ATF7IP2: variants seen among roughly 807,000 people sequenced by gnomAD.
ATF7IP2 encodes the protein activating transcription factor 7 interacting protein 2, also known as activating transcription factor 7-interacting protein 2.
In ATF7IP2, 42 loss-of-function variants were observed where a neutral mutation model predicts 64.2. The ratio of observed to expected loss-of-function variants is 0.65; its 90% CI spans 0.51 to 0.85. The LOEUF (loss-of-function observed/expected upper bound fraction) is 0.85, where lower values mean the gene tolerates loss of function less well. ATF7IP2 is among the 40% of genes least tolerant of loss of function. ATF7IP2 has a pLI of 0.00. For synonymous variants in ATF7IP2, 308 were observed against 272.8 expected, an observed-to-expected ratio of 1.13 and a Z score of -1.27; for missense variants, 933 against 784.2, an observed-to-expected ratio of 1.19 and a Z score of -2.27.
At chr16:10,390,817 A>G (rs1263722794) in intron 1 of ATF7IP2, among the ~76,000 whole-genome samples, 1 of 152,178 alleles carries the variant, frequency 6.6e-6, no homozygotes, top group Non-Finnish European at 1.5e-5. Context: ...CTGAAAAAAT[A>G]TCTGAGTTTT....
At chr16:10,473,901 T>TTTTTTTC (rs776408130) in intron 11 of ATF7IP2, 22 bp from the exon 12 acceptor site, 2 of 1,425,916 alleles carry the variant, frequency 1.4e-6, no homozygotes, top group South Asian at 1.4e-5. Context: ...AAGCTTTTTT[T>TTTTTTTC]TTTTTTTTAC....
At chr16:10,386,428 G>A (rs922572838) in intron 1 of ATF7IP2, 2 of 152,282 alleles carry the variant, frequency 1.3e-5, no homozygotes, top group Non-Finnish European at 2.9e-5. Flanking sequence ...GGAGGGAAGT[G>A]GTGCGTGTTT....
At chr16:10,474,871 G>A (rs557160747) in intron 12 of ATF7IP2, among the ~76,000 whole-genome samples, 1 of 152,244 alleles carries the variant, frequency 6.6e-6, no homozygotes, top group East Asian at 1.9e-4. Flanking sequence ...TAAAAGGTTG[G>A]GGGAAAATAA....
intron 1 of ATF7IP2, among the ~76,000 whole-genome samples, chr16:10,403,208 A>G (rs141574944): frequency 1.3e-5 from 2 of 152,276 alleles, no homozygotes; most frequent in African/African-American, 4.8e-5. Context: ...CACATAGCTT[A>G]TTACAATATG....
chr16:10,420,580 G>C (rs866918391), intron 3 of ATF7IP2, among the ~76,000 whole-genome samples: 1 of 152,226 alleles, frequency 6.6e-6, no homozygotes, highest in Non-Finnish European at 1.5e-5. Flanking sequence ...TAGGTGATCA[G>C]CCATTTGATT....
chr16:10,457,832 C>T (rs2049233480), intron 9 of ATF7IP2, among the ~76,000 whole-genome samples: 1 of 152,102 alleles, frequency 6.6e-6, no homozygotes, highest in South Asian at 2.1e-4. Flanking sequence ...ACCTCAGCCT[C>T]CCAAGTAACT....
intron 1 of ATF7IP2, among the ~76,000 whole-genome samples, chr16:10,403,819 A>T (rs895131514): frequency 7.9e-5 from 12 of 152,202 alleles, no homozygotes; most frequent in African/African-American, 2.9e-4. Flanking sequence ...GAAATTTTGG[A>T]ATGCATTTGA....
chr16:10,395,976 A>G (rs1240984047), intron 1 of ATF7IP2, among the ~76,000 whole-genome samples: 1 of 152,148 alleles, frequency 6.6e-6, no homozygotes, highest in Non-Finnish European at 1.5e-5. Flanking sequence ...AGGGAGAAGT[A>G]AAATATACAC....
At chr16:10,392,056 C>CTTT (rs369793123) in intron 1 of ATF7IP2, among the ~76,000 whole-genome samples, 1,431 of 126,070 alleles carry the variant, frequency 0.011, 47 homozygotes, top group African/African-American at 0.039. Flanking sequence ...GTTGTATTAT[C>CTTT]TTTTTTTTTT....
At chr16:10,450,584 T>C (rs1015961086) in intron 8 of ATF7IP2, among the ~76,000 whole-genome samples, 2 of 152,244 alleles carry the variant, frequency 1.3e-5, no homozygotes, top group African/African-American at 4.8e-5. Context: ...CTTTGTCTCT[T>C]TTGATCATTG....
intron 1 of ATF7IP2, among the ~76,000 whole-genome samples, chr16:10,396,222 G>A (rs574634223): frequency 1.5e-4 from 23 of 152,230 alleles, no homozygotes; most frequent in African/African-American, 4.6e-4. Context: ...AATTAAATAA[G>A]TAAATAGATA....
Position 10,457,497 on chromosome 16 carries a change from G to T in ATF7IP2, c.1320G>T (p.Leu440Phe). 1 of 1,595,472 alleles carries T rather than the reference G, an allele frequency of 6.3e-7. No homozygotes were observed. Among genetic ancestry groups the T allele is most frequent in the Non-Finnish European group, 8.5e-7 (1 of 1,174,208 alleles). ...AAAAAGGAAGTAAAAAAATTAATTT[G>T]TCATCAGATCAAAATAAGTCTGTTT... ...PSEKGSKKIN[L>F]SSDQNKSVSE... Residue 440 changes from leucine (L) to phenylalanine (F), a missense_variant, in exon 9 of 14, where the codon TTG becomes TTT. By Grantham distance (22) the Leu-to-Phe change is conservative. Transcript: ENST00000562102.
chr16:10,414,627 T>TTGTGTGTGTGTG lies in ATF7IP2; in HGVS notation c.-203+39_-203+50dup, dbSNP rs140459444. 24 of 94,824 alleles carry TTGTGTGTGTGTG rather than the reference T, an allele frequency of 2.5e-4. No homozygotes were observed. The highest frequency in any genetic ancestry group is 1.1e-3 in the African/African-American group (22 of 19,286). 5.9% of individuals were successfully genotyped at this position (94,824 alleles called of 1,614,324 possible). ...ATCCACTGCTGGTGAGCTAGTGTGA[T>TTGTGTGTGTGTG]TGTGTGTGTGTGTGTGTGTGTGTGT... On this transcript the variant is annotated intron_variant, in intron 2 of 13. Transcript: ENST00000562102.
At chr16:10,411,356 T>TG (rs1008345205) in intron 1 of ATF7IP2, among the ~76,000 whole-genome samples, 1 of 121,478 alleles carries the variant, frequency 8.2e-6, no homozygotes, top group East Asian at 2.5e-4. Flanking sequence ...TTTTTGTTTT[T>TG]TTTTTTTTGG....
Position 10,403,268 on chromosome 16 carries a change from C to A in ATF7IP2, c.-241-11306C>A, listed in dbSNP as rs567284395. Among the ~76,000 whole-genome samples, 4 of 152,232 alleles carry A rather than the reference C, an allele frequency of 2.6e-5. No individual in the cohort carries two copies. In the South Asian group the frequency reaches 6.2e-4, roughly 24 times the overall value. On this transcript the variant is annotated intron_variant, in intron 1 of 13. Transcript: ENST00000562102. ...AGTGTGAGGTGAGTTCTCATGACTT[C>A]ATGTTACCAGAATTGTCCATACCAT... is the stretch of plus-strand genomic sequence containing the variant.
chr16:10,443,834 GAGA>G (rs2048712335), intron 8 of ATF7IP2, among the ~76,000 whole-genome samples: 1 of 152,182 alleles, frequency 6.6e-6, no homozygotes, highest in Non-Finnish European at 1.5e-5. Context: ...TGGTAGTGGA[GAGA>G]AGAACTGGGT....
At chr16:10,448,962 CTTA>C (rs1382451100) in intron 8 of ATF7IP2, 2 of 151,958 alleles carry the variant, frequency 1.3e-5, no homozygotes, top group Non-Finnish European at 2.9e-5. Context: ...ATAAATAACT[CTTA>C]TTATTTTGAG....
chr16:10,415,556 T>C (rs2047855931), intron 2 of ATF7IP2, among the ~76,000 whole-genome samples: 1 of 152,206 alleles, frequency 6.6e-6, no homozygotes, highest in Non-Finnish European at 1.5e-5. Flanking sequence ...AGGACATTGT[T>C]CTGGGCAAAA....
chr16:10,451,882 T>C (rs2048996745), intron 8 of ATF7IP2, among the ~76,000 whole-genome samples: 1 of 151,832 alleles, frequency 6.6e-6, no homozygotes, highest in Non-Finnish European at 1.5e-5. Flanking sequence ...TGAAACCCCA[T>C]CTCTACTAAA....
Sources: gnomAD v4.1 joint callset for allele counts (sites outside exome capture counted in the v4.1 genomes callset) on GRCh38, gnomAD v4.1.1 for gene constraint, MANE v1.5 for transcripts, NCBI Gene and HGNC (gene_info 2026-07-23, HGNC 2026-07-21) for gene names.